Variants in KLF3 observed in about 807,000 individuals in gnomAD.
The protein encoded by KLF3 is Krueppel-like factor 3.
KLF3 carries 6 observed loss-of-function variants against 32.7 expected under a neutral mutation model. The observed-to-expected ratio is 0.18, with a 90% CI of 0.10 to 0.36. The LOEUF (loss-of-function observed/expected upper bound fraction) is 0.36. Ranked by LOEUF, KLF3 falls within the 10% of genes least tolerant of loss-of-function variation. The probability of loss-of-function intolerance (pLI) is 1.00; values close to 1 mark genes in which losing one functional copy is unlikely to be tolerated. For missense variants in KLF3, 338 were observed against 449.7 expected (o/e 0.75, Z 2.25); for synonymous variants, 145 against 172.8 (o/e 0.84, Z 1.26).
At chr4:38,684,309 A>G (rs1722623993) in intron 2 of KLF3, among the ~76,000 whole-genome samples, 1 of 152,184 alleles carries the variant, frequency 6.6e-6, no homozygotes, top group South Asian at 2.1e-4. Context: ...TCTTCACCTT[A>G]TCAGTAATAA....
chr4:38,680,359 G>A (rs898804672), intron 1 of KLF3, among the ~76,000 whole-genome samples: 2 of 151,762 alleles, frequency 1.3e-5, no homozygotes, highest in South Asian at 2.1e-4. Flanking sequence ...GATTATAGAC[G>A]AGTGCCATCA....
At chr4:38,690,077 G>A (rs1040723595) in intron 4 of KLF3, 198 bp downstream of exon 4, 29 of 443,416 alleles carry the variant, frequency 6.5e-5, no homozygotes, top group Non-Finnish European at 1.0e-4. Context: ...CACTGACAAC[G>A]TTATGACAAA....
At chr4:38,694,040 C>T (rs1376621007) in intron 4 of KLF3, among the ~76,000 whole-genome samples, 2 of 152,180 alleles carry the variant, frequency 1.3e-5, no homozygotes, top group African/African-American at 2.4e-5. Flanking sequence ...GACCACAACA[C>T]TACATTGAAA....
intron 1 of KLF3, among the ~76,000 whole-genome samples, chr4:38,667,355 A>T (rs1308114651): frequency 6.6e-6 from 1 of 152,182 alleles, no homozygotes. Context: ...CTGGTAGATC[A>T]GTAGCCCAGA....
intron 2 of KLF3, among the ~76,000 whole-genome samples, chr4:38,687,118 G>T (rs1369687421): frequency 2.0e-5 from 3 of 152,196 alleles, no homozygotes; most frequent in Non-Finnish European, 4.4e-5. Context: ...GGTTTTCTTG[G>T]TTGCATCCCA....
intron 1 of KLF3, among the ~76,000 whole-genome samples, chr4:38,667,105 G>A (rs1412661548): frequency 6.6e-6 from 1 of 152,174 alleles, no homozygotes; most frequent in Non-Finnish European, 1.5e-5. Flanking sequence ...CAGGTCCCCT[G>A]TATAAAGCTG....
chr4:38,667,522 G>A (rs1298050400), intron 1 of KLF3, among the ~76,000 whole-genome samples: 1 of 152,194 alleles, frequency 6.6e-6, no homozygotes, highest in Non-Finnish European at 1.5e-5. Context: ...ATTTGTCTGG[G>A]TGAATAAATG....
chr4:38,681,076 T>C (rs148282901), intron 2 of KLF3: 3,601 of 159,288 alleles, frequency 0.023, 56 homozygotes, highest in Non-Finnish European at 0.032. Flanking sequence ...AAAAAAAAAA[T>C]CACTCATTGC....
chr4:38,669,106 A>G (rs1307524947), intron 1 of KLF3, among the ~76,000 whole-genome samples: 2 of 151,642 alleles, frequency 1.3e-5, no homozygotes, highest in East Asian at 3.9e-4. Flanking sequence ...CACCCAGTTG[A>G]GTTTAAGAAA....
Position 38,688,584 on chromosome 4 carries a change from G to T in KLF3, c.58-1G>T. On this transcript the variant is annotated splice_acceptor_variant, in intron 2 of 5. Transcript: ENST00000261438. LOFTEE classifies it high-confidence loss of function. This position sits in a 1 kb window ranked among gnomAD's most constrained non-coding sequence, Gnocchi z 4.9. ...CACGTTTTCCTTTTCTTTTCTAATA[G>T]TCATACCCATCTAATTACATGGAAT... The T allele has an allele frequency of 6.3e-7, 1 of 1,595,528 alleles. No homozygotes were observed.
rs13115081 is a variant in KLF3 at position 38,680,980 on chromosome 4, A to G, written c.57+298A>G. ...CAGGAGAGTCGCTTGAACCCGGGAGATGTAGGTTACAGTGAGCCGAGATAG... is the reference window on the plus strand; with the variant it reads ...CAGGAGAGTCGCTTGAACCCGGGAGGTGTAGGTTACAGTGAGCCGAGATAG... On this transcript the variant is annotated intron_variant, in intron 2 of 5. Coordinates refer to ENST00000261438, the MANE Select transcript of KLF3 (RefSeq NM_016531.6). 237,414 of 239,368 alleles carry G rather than the reference A, an allele frequency of 0.99. 117,748 individuals carry two copies. Among genetic ancestry groups the G allele is most frequent in the East Asian group, 1 (11,229 of 11,230 alleles). 14.8% of individuals were successfully genotyped at this position (239,368 alleles called of 1,614,324 possible).
intron 2 of KLF3, among the ~76,000 whole-genome samples, chr4:38,682,910 T>G (rs984915220): frequency 7.6e-5 from 10 of 131,814 alleles, no homozygotes; most frequent in Non-Finnish European, 1.2e-4. Flanking sequence ...AATGAAGGTG[T>G]TTTTTTTTCT....
rs536682521 is a variant in KLF3 at position 38,674,298 on chromosome 4, T to C, written c.-39-6289T>C. The stretch of plus-strand genomic sequence containing the variant: ...CTGTCCTTAAATAATACTTGAGCCA[T>C]TGGGGGATTTTGAAGAATTTGGGTA... On this transcript the variant is annotated intron_variant, in intron 1 of 5. Transcript: ENST00000261438. This position sits in a 1 kb window ranked among gnomAD's most constrained non-coding sequence, Gnocchi z 4.1. Among the ~76,000 whole-genome samples, 2 of 152,222 alleles carry C rather than the reference T, an allele frequency of 1.3e-5. No individual in the cohort carries two copies. The highest frequency in any genetic ancestry group is 1.3e-4 in the Admixed American group (2 of 15,290).
At chr4:38,692,391 C>A (rs540017579) in intron 4 of KLF3, among the ~76,000 whole-genome samples, 1 of 152,144 alleles carries the variant, frequency 6.6e-6, no homozygotes, top group African/African-American at 2.4e-5. Context: ...ACAGCTCAAG[C>A]AGAGATATCC....
At chr4:38,679,050 A>G (rs898474758) in intron 1 of KLF3, among the ~76,000 whole-genome samples, 2 of 152,232 alleles carry the variant, frequency 1.3e-5, no homozygotes, top group African/African-American at 4.8e-5. Context: ...TGGACTGTAC[A>G]GAACACAGAA....
chr4:38,689,830 T>TGGGCG lies in KLF3; in HGVS notation c.646_647insGGGCG (p.Ser216TrpfsTer6). The TGGGCG allele has an allele frequency of 6.2e-7, 1 of 1,607,234 alleles. No homozygotes were observed. Among genetic ancestry groups the TGGGCG allele is most frequent in the African/African-American group, 1.3e-5 (1 of 74,728 alleles). On this transcript the variant is annotated frameshift_variant, in exon 4 of 6. Transcript: ENST00000261438. LOFTEE classifies it high-confidence loss of function. Reference sequence around the variant, plus strand: ...GACAGATTATTATCCTGAAGAAATGTCACCCCCCTTAATGAACTCAGTGTC... The same window carrying TGGGCG: ...GACAGATTATTATCCTGAAGAAATGTGGGCGCACCCCCCTTAATGAACTCAGTGTC...
intron 1 of KLF3, among the ~76,000 whole-genome samples, chr4:38,672,333 A>G (rs916323154): frequency 6.6e-6 from 1 of 152,120 alleles, no homozygotes; most frequent in Non-Finnish European, 1.5e-5. Flanking sequence ...AGGAAGGCTG[A>G]GGCCTGCCTG....
In KLF3 at chr4:38,688,350, T is replaced by C. The variant is rs1190364422; in HGVS notation, c.58-235T>C. ...TAAATTTCAGATTTTTCATCTGCAGTAGTGACCACATTGATCTTAGTTTTA... is the reference window on the plus strand; with the variant it reads ...TAAATTTCAGATTTTTCATCTGCAGCAGTGACCACATTGATCTTAGTTTTA... On this transcript the variant is annotated intron_variant, in intron 2 of 5. Coordinates refer to ENST00000261438, the MANE Select transcript of KLF3 (RefSeq NM_016531.6). This position sits in a 1 kb window ranked among gnomAD's most constrained non-coding sequence, Gnocchi z 4.9. Among the ~76,000 whole-genome samples the C allele has an allele frequency of 6.6e-6, 1 of 152,224 alleles. No homozygotes were observed. The highest frequency in any genetic ancestry group is 6.5e-5 in the Admixed American group (1 of 15,288).
intron 4 of KLF3, among the ~76,000 whole-genome samples, chr4:38,693,972 G>A (rs1722965515): frequency 6.6e-6 from 1 of 152,178 alleles, no homozygotes; most frequent in Non-Finnish European, 1.5e-5. Context: ...CAGGAAGGTA[G>A]GGAGAACGTC....
Sources: allele counts gnomAD v4.1 joint callset (sites outside exome capture counted in the v4.1 genomes callset), GRCh38; gene constraint gnomAD v4.1.1; non-coding constraint Gnocchi (gnomAD v3.1); transcripts MANE v1.5; gene names NCBI Gene and HGNC (gene_info 2026-07-23, HGNC 2026-07-21).